A1CF: variants seen among roughly 807,000 people sequenced by gnomAD.
A1CF encodes APOBEC-1 stimulating protein.
Under a neutral mutation model 68.9 loss-of-function variants are expected in A1CF, and 48 were observed. The ratio of observed to expected loss-of-function variants is 0.70; its 90% CI spans 0.55 to 0.89. The LOEUF is 0.89. A1CF is among the 40% of genes least tolerant of loss of function. The pLI is 0.00. For synonymous variants in A1CF, 272 were observed against 260.4 expected (o/e 1.04, Z -0.43); for missense variants, 653 against 718.9 (o/e 0.91, Z 1.05).
At chr10:50,854,715 C>T (rs532181670) in intron 3 of A1CF, among the ~76,000 whole-genome samples, 8 of 151,548 alleles carry the variant, frequency 5.3e-5, no homozygotes, top group Non-Finnish European at 8.8e-5. Flanking sequence ...TCTATAATCC[C>T]GAGACCCAGC....
Position 50,804,749 on chromosome 10 carries a change from C to T in A1CF, c.*1980G>A, listed in dbSNP as rs1837744522. The T allele has an allele frequency of 6.6e-6, 1 of 151,824 alleles. No homozygotes were observed. The highest frequency in any genetic ancestry group is 1.5e-5 in the Non-Finnish European group (1 of 67,948). 9.4% of individuals were successfully genotyped at this position (151,824 alleles called of 1,614,324 possible). ...TAGATGATTTTTTAATTGCATTTTT[C>T]TATTTACTAAAAGTGAAATAAAAAG... On this transcript the variant is annotated 3_prime_UTR_variant, in exon 13 of 13. Coordinates refer to ENST00000373997, the MANE Select transcript of A1CF (RefSeq NM_014576.4).
In A1CF at chr10:50,802,036, G is replaced by A. The variant is rs1837620653; in HGVS notation, c.*4693C>T. On this transcript the variant is annotated 3_prime_UTR_variant, in exon 13 of 13. Coordinates refer to ENST00000373997, the MANE Select transcript of A1CF (RefSeq NM_014576.4). ...ATGGCTTTAAAAATGTTGGACATTT[G>A]GAGGGCAATAGAGTATTCTGTACCC... 1 of 152,028 alleles carries A rather than the reference G, an allele frequency of 6.6e-6. No individual in the cohort carries two copies. The highest frequency in any genetic ancestry group is 2.4e-5 in the African/African-American group (1 of 41,384). 9.4% of individuals were successfully genotyped at this position (152,028 alleles called of 1,614,324 possible). A position where few individuals can be genotyped will look rare whatever the true frequency, so the allele number is the denominator to read the frequency against.
At chr10:50,819,060 C>T (rs967952206) in intron 8 of A1CF, among the ~76,000 whole-genome samples, 2 of 152,264 alleles carry the variant, frequency 1.3e-5, no homozygotes, top group African/African-American at 4.8e-5. Flanking sequence ...CTGCTGGACC[C>T]GTCTTTGAGA....
At chr10:50,841,764 T>A in intron 5 of A1CF, 98 bp downstream of exon 5, 2 of 1,245,058 alleles carry the variant, frequency 1.6e-6, no homozygotes, top group Non-Finnish European at 2.2e-6. Flanking sequence ...CTGGCTTGGC[T>A]TTTTTTTTGG....
At position 50,823,863 on chromosome 10, in the gene A1CF, G is replaced by A. The variant is rs189123996; in HGVS notation, c.770-3214C>T. On this transcript the variant is annotated intron_variant, in intron 7 of 12. Transcript: ENST00000373997. Reference sequence around the variant, plus strand: ...ACTGATACGTGGTCAAATATTTTGAGGTAATATGTAGGTTCCTCTGAGGGA... The same window carrying A: ...ACTGATACGTGGTCAAATATTTTGAAGTAATATGTAGGTTCCTCTGAGGGA... 569 of 152,044 alleles carry A rather than the reference G, an allele frequency of 3.7e-3. 7 individuals carry two copies. Among genetic ancestry groups the A allele is most frequent in the African/African-American group, 0.013 (528 of 41,470 alleles). The allele number at this position is 152,044 out of a possible 1,614,324, so 9.4% of individuals were successfully genotyped here.
chr10:50,873,145 A>G (rs1170144501), intron 1 of A1CF, among the ~76,000 whole-genome samples: 3 of 151,484 alleles, frequency 2.0e-5, no homozygotes, highest in African/African-American at 7.3e-5. Flanking sequence ...TAGTAGAGAC[A>G]GGGTTTTGCC....
chr10:50,806,716 TA>T lies in A1CF; in HGVS notation c.*12del. ...GTTTTGTGTGTCTTATTCTTAAATT[TA>T]AAAAAGCATCTTCAGAAGGTGCCAT... is the stretch of plus-strand genomic sequence containing the variant. On this transcript the variant is annotated 3_prime_UTR_variant, in exon 13 of 13. Coordinates refer to ENST00000373997, the MANE Select transcript of A1CF (RefSeq NM_014576.4). The T allele has an allele frequency of 1.9e-6, 3 of 1,571,914 alleles. No homozygotes were observed. Among genetic ancestry groups the T allele is most frequent in the East Asian group, 2.3e-5 (1 of 44,320 alleles).
rs1483071538 is a variant in A1CF at position 50,820,639 on chromosome 10, C to T, written c.780G>A (p.Glu260=). The change falls in exon 8 of 13, where the codon GAG becomes GAA. Residue 260 remains glutamate (E), a synonymous_variant. Coordinates refer to ENST00000373997, the MANE Select transcript of A1CF (RefSeq NM_014576.4). ...EFNNIKPGAV[E]RVKKIRDYAF... is the part of the protein sequence containing the mutation. Reference sequence around the variant, plus strand: ...CATAGTCTCGAATTTTCTTCACCCTCTCCACAGCACCTGTAAAATAGAGTG... The same window carrying T: ...CATAGTCTCGAATTTTCTTCACCCTTTCCACAGCACCTGTAAAATAGAGTG... The T allele has an allele frequency of 1.2e-6, 2 of 1,613,044 alleles. No individual in the cohort carries two copies. Among genetic ancestry groups the T allele is most frequent in the African/African-American group, 1.3e-5 (1 of 74,876 alleles).
chr10:50,849,123 A>G (rs1840123954), intron 3 of A1CF, among the ~76,000 whole-genome samples: 1 of 152,136 alleles, frequency 6.6e-6, no homozygotes, highest in Non-Finnish European at 1.5e-5. Context: ...CATAAAAGGT[A>G]CCAACAGGAT....
At chr10:50,881,670 A>G (rs1841778153) in intron 1 of A1CF, among the ~76,000 whole-genome samples, 3 of 152,206 alleles carry the variant, frequency 2.0e-5, no homozygotes, top group Admixed American at 2.0e-4. Flanking sequence ...AGGCATCACT[A>G]CATCACTACT....
chr10:50,820,333 A>T (rs1029141019), intron 8 of A1CF, among the ~76,000 whole-genome samples: 1 of 152,172 alleles, frequency 6.6e-6, no homozygotes, highest in South Asian at 2.1e-4. Flanking sequence ...ACTTGTCCAA[A>T]TTATAAAAAA....
At chr10:50,859,368 A>G (rs796964069) in intron 3 of A1CF, among the ~76,000 whole-genome samples, 6 of 152,354 alleles carry the variant, frequency 3.9e-5, no homozygotes, top group African/African-American at 1.4e-4. Flanking sequence ...TTAGTATTAC[A>G]TATCCTAGAC....
rs556290952 is a variant in A1CF, at chr10:50,852,908, G to A, written c.99+6934C>T. Among the ~76,000 whole-genome samples, 5 of 152,286 alleles carry A rather than the reference G, an allele frequency of 3.3e-5. No individual in the cohort carries two copies. In the South Asian group the frequency reaches 1.0e-3, roughly 32 times the overall value. ...TAAGTACATTATCTCAAACCGGAAA[G>A]ATGGAGAGTTAGCTTAATTTGGGGC... is the stretch of plus-strand genomic sequence containing the variant. On this transcript the variant is annotated intron_variant, in intron 3 of 12. Coordinates refer to ENST00000373997, the MANE Select transcript of A1CF (RefSeq NM_014576.4).
intron 7 of A1CF, chr10:50,823,081 T>C (rs1014136674): frequency 1.3e-4 from 20 of 152,172 alleles, no homozygotes; most frequent in Non-Finnish European, 2.4e-4. Context: ...TGATAATGAA[T>C]TTAGATTTTC....
chr10:50,808,110 C>T (rs758317353), intron 12 of A1CF, among the ~76,000 whole-genome samples: 6 of 152,164 alleles, frequency 3.9e-5, no homozygotes, highest in Non-Finnish European at 8.8e-5. Context: ...TGCACACATG[C>T]ATGCATGTGT....
At chr10:50,820,671 GC>G (rs1564500747) in intron 7 of A1CF, 22 bp from the exon 8 acceptor site, 1 of 1,591,582 alleles carries the variant, frequency 6.3e-7, no homozygotes, top group East Asian at 2.3e-5. Context: ...AGTGAAGGTT[GC>G]CCCATTAACA....
At chr10:50,877,513 T>C (rs984298554) in intron 1 of A1CF, among the ~76,000 whole-genome samples, 2 of 152,300 alleles carry the variant, frequency 1.3e-5, no homozygotes, top group East Asian at 1.9e-4. Context: ...AAAAAATCCA[T>C]CTAAAGCTCT....
chr10:50,883,999 G>T (rs1049427883), intron 1 of A1CF, among the ~76,000 whole-genome samples: 1 of 152,146 alleles, frequency 6.6e-6, no homozygotes, highest in Non-Finnish European at 1.5e-5. Flanking sequence ...AAGTAGACCC[G>T]ATAATATAGT....
intron 3 of A1CF, among the ~76,000 whole-genome samples, chr10:50,855,168 A>C (rs1840420810): frequency 6.6e-6 from 1 of 151,958 alleles, no homozygotes; most frequent in Non-Finnish European, 1.5e-5. Context: ...GGAGCATCAC[A>C]TATCATAGTT....
Sources: allele counts gnomAD v4.1 joint callset (sites outside exome capture counted in the v4.1 genomes callset), GRCh38; gene constraint gnomAD v4.1.1; transcripts MANE v1.5; gene names NCBI Gene and HGNC (gene_info 2026-07-23, HGNC 2026-07-21).